ANKRD55: variants seen among roughly 807,000 people sequenced by gnomAD.
ANKRD55 encodes the protein ankyrin repeat domain-containing protein 55.
In ANKRD55, 41 loss-of-function variants were observed where a neutral mutation model predicts 60.6. That is an observed-to-expected ratio of 0.68 (90% CI 0.53 to 0.88). The LOEUF is 0.88. Ranked by LOEUF, ANKRD55 falls within the 40% of genes least tolerant of loss-of-function variation. The pLI is 0.00. For synonymous variants in ANKRD55, 264 were observed against 290.3 expected, an observed-to-expected ratio of 0.91 and a Z score of 0.92; for missense variants, 732 against 767.6, an observed-to-expected ratio of 0.95 and a Z score of 0.55.
chr5:56,137,033 G>A (rs991058539), intron 7 of ANKRD55: 2 of 744,344 alleles, frequency 2.7e-6, no homozygotes, highest in Non-Finnish European at 5.0e-6. Flanking sequence ...CAAATCAAGA[G>A]GTTCAAGTCT....
intron 8 of ANKRD55, among the ~76,000 whole-genome samples, chr5:56,124,075 A>T (rs1757162347): frequency 6.6e-6 from 1 of 152,202 alleles, no homozygotes; most frequent in Admixed American, 6.5e-5. Context: ...TTAATGAAAC[A>T]TGTAAACATT....
At chr5:56,192,821 T>C (rs1759133065) in intron 2 of ANKRD55, 1 of 792,118 alleles carries the variant, frequency 1.3e-6, no homozygotes, top group Non-Finnish European at 2.0e-6. Flanking sequence ...AATTCTTTGC[T>C]GGGTTATGAC....
intron 11 of ANKRD55, among the ~76,000 whole-genome samples, chr5:56,101,828 A>T (rs1292733980): frequency 2.6e-5 from 4 of 152,058 alleles, no homozygotes; most frequent in African/African-American, 9.7e-5. Flanking sequence ...TACAGAGGCG[A>T]TGTACATTTC....
At position 56,126,996 on chromosome 5, in the gene ANKRD55, C is replaced by T. The variant is rs61741176; in HGVS notation, c.723G>A (p.Ala241=). 6,742 of 1,613,654 alleles carry T rather than the reference C, an allele frequency of 4.2e-3. 249 individuals are homozygous for T. In the African/African-American group the frequency reaches 0.081, roughly 19 times the overall value. ...GCTCATGAATAATATCGCTGAAGCC[C>T]GCTGCCGCTGCGATATGTACACATG... is the stretch of plus-strand genomic sequence containing the variant. ...GKTCVHIAAA[A]GFSDIIHELA... The change falls in exon 8 of 12, where the codon GCG becomes GCA. Residue 241 remains alanine, a synonymous_variant. Coordinates refer to ENST00000341048, the MANE Select transcript of ANKRD55 (RefSeq NM_024669.3).
intron 11 of ANKRD55, among the ~76,000 whole-genome samples, chr5:56,101,870 C>A (rs1338566315): frequency 1.3e-5 from 2 of 151,864 alleles, no homozygotes. Context: ...AAACTGATAT[C>A]AGGAGGCCAG....
chr5:56,174,576 T>G (rs576550541), intron 4 of ANKRD55, among the ~76,000 whole-genome samples: 1 of 152,186 alleles, frequency 6.6e-6, no homozygotes, highest in South Asian at 2.1e-4. Flanking sequence ...GATGGGCAAG[T>G]TTTTAAAAAT....
At chr5:56,208,464 AC>A (rs1759572490) in intron 2 of ANKRD55, among the ~76,000 whole-genome samples, 1 of 152,068 alleles carries the variant, frequency 6.6e-6, no homozygotes, top group Non-Finnish European at 1.5e-5. Flanking sequence ...TCACTCTGTT[AC>A]CCAGGCTGGA....
At chr5:56,163,081 A>G (rs1758372001) in intron 5 of ANKRD55, among the ~76,000 whole-genome samples, 2 of 152,150 alleles carry the variant, frequency 1.3e-5, no homozygotes, top group African/African-American at 4.8e-5. Flanking sequence ...TATGTGGCCC[A>G]ACTCCACTTG....
chr5:56,138,929 C>T (rs1033227170), intron 7 of ANKRD55, among the ~76,000 whole-genome samples: 6 of 152,072 alleles, frequency 3.9e-5, no homozygotes, highest in African/African-American at 1.4e-4. Flanking sequence ...TACCTTTGTC[C>T]AATTCCACAG....
At chr5:56,164,705 C>CCCTCATT (rs1758409993) in intron 5 of ANKRD55, among the ~76,000 whole-genome samples, 3 of 152,126 alleles carry the variant, frequency 2.0e-5, no homozygotes, top group Admixed American at 2.0e-4. Flanking sequence ...CTCTTTCACA[C>CCCTCATT]CAGCGCCCTC....
Position 56,137,169 on chromosome 5 carries a change from G to T in ANKRD55, c.612+6632C>A. The T allele has an allele frequency of 2.0e-6, 3 of 1,537,602 alleles. No homozygotes were observed. In the South Asian group the frequency reaches 3.4e-5, roughly 17 times the overall value. On this transcript the variant is annotated intron_variant, in intron 7 of 11. Transcript: ENST00000341048. ...GTGTGTACCATTGTGACGTTACAGTGGTGGAGTTGGCAAGTGTGCCCAGGC... is the reference window on the plus strand; with the variant it reads ...GTGTGTACCATTGTGACGTTACAGTTGTGGAGTTGGCAAGTGTGCCCAGGC...
Position 56,171,988 on chromosome 5 carries a change from G to A in ANKRD55, c.313-1185C>T, listed in dbSNP as rs1009123149. Among the ~76,000 whole-genome samples the A allele has an allele frequency of 3.9e-5, 6 of 152,070 alleles. No individual in the cohort carries two copies. The South Asian group carries it at 8.3e-4, about 21-fold the overall frequency. On this transcript the variant is annotated intron_variant, in intron 4 of 11. Transcript: ENST00000341048. ...CAAAAAATTAGCTGGGAATGGTGGCGGGTGCCTGTAGTCCCAGCTACTCGG... is the reference window on the plus strand; with the variant it reads ...CAAAAAATTAGCTGGGAATGGTGGCAGGTGCCTGTAGTCCCAGCTACTCGG...
intron 9 of ANKRD55, 32 bp from the exon 10 acceptor site, chr5:56,111,814 G>A (rs778168233): frequency 2.1e-6 from 3 of 1,462,330 alleles, no homozygotes; most frequent in Non-Finnish European, 2.7e-6. Flanking sequence ...GGGATGATAT[G>A]TGAGTATGGG....
chr5:56,116,558 C>G, intron 9 of ANKRD55, 57 bp downstream of exon 9: 2 of 1,365,408 alleles, frequency 1.5e-6, no homozygotes, highest in Middle Eastern at 3.9e-4. Flanking sequence ...AACATTTCAT[C>G]CAAATTTATA....
chr5:56,127,633 A>T, intron 7 of ANKRD55: 2 of 908,294 alleles, frequency 2.2e-6, no homozygotes, highest in Non-Finnish European at 1.3e-6. Flanking sequence ...TGTCCCAGGG[A>T]GCCTGGGAAG....
chr5:56,225,589 C>T (rs1442488821), intron 2 of ANKRD55, among the ~76,000 whole-genome samples: 2 of 152,248 alleles, frequency 1.3e-5, no homozygotes, highest in Non-Finnish European at 2.9e-5. Context: ...AAAACCCCAT[C>T]GTCTCAGCCC....
chr5:56,198,812 G>C (rs961263996), intron 2 of ANKRD55, among the ~76,000 whole-genome samples: 4 of 151,836 alleles, frequency 2.6e-5, no homozygotes, highest in African/African-American at 9.7e-5. Context: ...GGCAGCGGTG[G>C]CTCACACCTG....
intron 1 of ANKRD55, 103 bp downstream of exon 1, chr5:56,233,138 C>G (rs1443213646): frequency 3.5e-6 from 2 of 571,004 alleles, no homozygotes; most frequent in African/African-American, 3.8e-5. Context: ...TCTATGGCCT[C>G]ATTCATCAGC....
At chr5:56,125,027 C>G (rs745332690) in intron 8 of ANKRD55, among the ~76,000 whole-genome samples, 6 of 152,100 alleles carry the variant, frequency 3.9e-5, no homozygotes, top group Non-Finnish European at 4.4e-5. Context: ...TTTTACTTTC[C>G]ACCATGAGGC....
Sources: gnomAD v4.1 joint callset for allele counts (sites outside exome capture counted in the v4.1 genomes callset) on GRCh38, gnomAD v4.1.1 for gene constraint, MANE v1.5 for transcripts, NCBI Gene and HGNC (gene_info 2026-07-23, HGNC 2026-07-21) for gene names.